Variants in ZCCHC7 observed in about 807,000 individuals in gnomAD.
ZCCHC7 encodes the protein zinc finger CCHC-type containing 7.
ZCCHC7 carries 35 observed loss-of-function variants against 52.0 expected under a neutral mutation model. That is an observed-to-expected ratio of 0.67 (90% CI 0.51 to 0.89). ZCCHC7 has a LOEUF of 0.89. Among genes scored for constraint, ZCCHC7 ranks in the 40% least tolerant of loss-of-function variants. ZCCHC7 has a pLI of 0.00. For synonymous variants in ZCCHC7, 217 were observed against 221.5 expected (o/e 0.98, Z 0.18); for missense variants, 574 against 649.1 (o/e 0.88, Z 1.26).
At chr9:37,287,994 A>T (rs945141104) in intron 2 of ZCCHC7, among the ~76,000 whole-genome samples, 4 of 152,054 alleles carry the variant, frequency 2.6e-5, no homozygotes, top group African/African-American at 9.7e-5. Flanking sequence ...TATTCTGTCT[A>T]GAGGCTGGGT....
chr9:37,240,291 A>C (rs757738903), intron 2 of ZCCHC7, among the ~76,000 whole-genome samples: 1 of 151,904 alleles, frequency 6.6e-6, no homozygotes, highest in Non-Finnish European at 1.5e-5. Context: ...TTTTGGCTTT[A>C]GATTGTTACT....
chr9:37,211,670 A>G (rs976721949), intron 2 of ZCCHC7, among the ~76,000 whole-genome samples: 2 of 152,170 alleles, frequency 1.3e-5, no homozygotes. Context: ...TAATATGGAA[A>G]TGTTGCTCAG....
At chr9:37,312,910 A>G (rs1472668345) in intron 5 of ZCCHC7, among the ~76,000 whole-genome samples, 1 of 152,240 alleles carries the variant, frequency 6.6e-6, no homozygotes, top group Admixed American at 6.5e-5. Flanking sequence ...ATAAGAATAA[A>G]TAATTAAAAT....
intron 2 of ZCCHC7, among the ~76,000 whole-genome samples, chr9:37,159,378 T>C (rs1026055262): frequency 6.6e-6 from 1 of 152,214 alleles, no homozygotes; most frequent in African/African-American, 2.4e-5. Flanking sequence ...ACATTTTAAA[T>C]GATTTACTAA....
chr9:37,279,931 G>T (rs1347471208), intron 2 of ZCCHC7, among the ~76,000 whole-genome samples: 1 of 151,986 alleles, frequency 6.6e-6, no homozygotes, highest in Non-Finnish European at 1.5e-5. Flanking sequence ...GAGGCGGGCG[G>T]ATCACGAGGT....
intron 2 of ZCCHC7, among the ~76,000 whole-genome samples, chr9:37,206,499 G>A (rs1345692390): frequency 9.9e-5 from 15 of 151,930 alleles, no homozygotes; most frequent in Admixed American, 9.2e-4. Context: ...CTACAAGTAT[G>A]TACCACCACA....
chr9:37,356,848 T>C lies in ZCCHC7; in HGVS notation c.1212T>C (p.Asn404=). The change falls in exon 9 of 9, where the codon AAT becomes AAC. Residue 404 remains asparagine, a synonymous_variant. Transcript: ENST00000336755. The part of the protein sequence containing the change: ...LKQKIKVLKK[N]GVIPEPSKLP... ...TATATTTTTCAGTACTCAAGAAAAATGGGGTTATCCCAGAGCCATCCAAGC... is the reference window on the plus strand; with the variant it reads ...TATATTTTTCAGTACTCAAGAAAAACGGGGTTATCCCAGAGCCATCCAAGC... 1 of 1,580,388 alleles carries C rather than the reference T, an allele frequency of 6.3e-7. No homozygotes were observed. Among genetic ancestry groups the C allele is most frequent in the South Asian group, 1.2e-5 (1 of 84,188 alleles).
At chr9:37,233,478 G>C (rs995669386) in intron 2 of ZCCHC7, among the ~76,000 whole-genome samples, 71 of 152,144 alleles carry the variant, frequency 4.7e-4, no homozygotes, top group African/African-American at 1.6e-3. Flanking sequence ...TTCTGAAAAT[G>C]TTAATTTTCT....
intron 6 of ZCCHC7, among the ~76,000 whole-genome samples, chr9:37,331,610 A>G (rs939529218): frequency 4.0e-5 from 6 of 151,678 alleles, no homozygotes; most frequent in African/African-American, 1.4e-4. Flanking sequence ...TGAGATTGTG[A>G]TGTAAGATAG....
rs190617389 is a variant in ZCCHC7 at position 37,357,977 on chromosome 9, A to C, written c.*709A>C. The C allele has an allele frequency of 6.6e-6, 1 of 152,328 alleles. No homozygotes were observed. The highest frequency in any genetic ancestry group is 6.5e-5 in the Admixed American group (1 of 15,298). The allele number at this position is 152,328 out of a possible 1,614,324, so 9.4% of individuals were successfully genotyped here. A position where few individuals can be genotyped will look rare whatever the true frequency, so the allele number is the denominator to read the frequency against. On this transcript the variant is annotated 3_prime_UTR_variant, in exon 9 of 9. Transcript: ENST00000336755. ...TTTACCACTTTTACAGCGGTGTTTC[A>C]AGCGGACTGTCACTCAGATCTGCAG...
At position 37,343,909 on chromosome 9, in the gene ZCCHC7, T is replaced by C. The variant is rs550200057; in HGVS notation, c.988-5448T>C. Among the ~76,000 whole-genome samples the C allele has an allele frequency of 2.0e-5, 3 of 152,336 alleles. No individual in the cohort carries two copies. The East Asian group carries it at 5.8e-4, about 29-fold the overall frequency. On this transcript the variant is annotated intron_variant, in intron 6 of 8. Transcript: ENST00000336755. ...ACCATAGAAAATTTGTAAACTAATA[T>C]GTGTGCCTGTGTTCCAATAAAACTT...
chr9:37,265,063 G>A (rs889876699), intron 2 of ZCCHC7, among the ~76,000 whole-genome samples: 2 of 152,242 alleles, frequency 1.3e-5, no homozygotes, highest in East Asian at 1.9e-4. Flanking sequence ...GAAAACAGAT[G>A]TTCTTCCTCC....
chr9:37,348,932 T>A (rs554422080), intron 6 of ZCCHC7, among the ~76,000 whole-genome samples: 128 of 152,362 alleles, frequency 8.4e-4, no homozygotes, highest in Non-Finnish European at 1.6e-3. Context: ...GTTTTACACC[T>A]GCAGGGAAAC....
intron 1 of ZCCHC7, among the ~76,000 whole-genome samples, chr9:37,122,253 G>T (rs1842348201): frequency 6.6e-6 from 1 of 152,214 alleles, no homozygotes; most frequent in Non-Finnish European, 1.5e-5. Flanking sequence ...GCCTTAAGTT[G>T]TCTAGTTTAA....
chr9:37,262,436 G>A (rs575527356), intron 2 of ZCCHC7, among the ~76,000 whole-genome samples: 2 of 152,190 alleles, frequency 1.3e-5, no homozygotes, highest in East Asian at 1.9e-4. Context: ...GTTACTTGTT[G>A]CAATAACTTA....
intron 2 of ZCCHC7, among the ~76,000 whole-genome samples, chr9:37,249,266 T>C (rs923705821): frequency 6.6e-6 from 1 of 152,094 alleles, no homozygotes; most frequent in Non-Finnish European, 1.5e-5. Flanking sequence ...TCCAGTGCCG[T>C]ATCTGAATAT....
intron 6 of ZCCHC7, among the ~76,000 whole-genome samples, chr9:37,342,260 C>T (rs1820688266): frequency 1.3e-5 from 2 of 152,024 alleles, no homozygotes; most frequent in African/African-American, 4.8e-5. Flanking sequence ...CGTTTTTGGC[C>T]TAAGAAACTG....
chr9:37,266,396 G>A (rs1455557444), intron 2 of ZCCHC7, among the ~76,000 whole-genome samples: 2 of 152,134 alleles, frequency 1.3e-5, no homozygotes, highest in Non-Finnish European at 2.9e-5. Context: ...TTAGGGATGT[G>A]TAAAGAGCTA....
chr9:37,262,162 C>T (rs949495380), intron 2 of ZCCHC7, among the ~76,000 whole-genome samples: 5 of 151,326 alleles, frequency 3.3e-5, no homozygotes, highest in Admixed American at 1.3e-4. Flanking sequence ...CAGAGTTACA[C>T]ATGATCCAAG....
Sources: gnomAD v4.1 joint callset for allele counts (sites outside exome capture counted in the v4.1 genomes callset) on GRCh38, gnomAD v4.1.1 for gene constraint, MANE v1.5 for transcripts, NCBI Gene and HGNC (gene_info 2026-07-23, HGNC 2026-07-21) for gene names.